ATP8B1: variants seen among roughly 807,000 people sequenced by gnomAD.
ATP8B1 encodes the protein ATPase phospholipid transporting 8B1.
ATP8B1 carries 80 observed loss-of-function variants against 149.9 expected under a neutral mutation model. The observed-to-expected ratio is 0.53, with a 90% CI of 0.45 to 0.64. ATP8B1 has a LOEUF of 0.64. Ranked by LOEUF, ATP8B1 falls within the 30% of genes least tolerant of loss-of-function variation. The pLI is 0.00. For missense variants in ATP8B1, 1,247 were observed against 1,552.6 expected (o/e 0.80, Z 3.31); for synonymous variants, 536 against 562.8 (o/e 0.95, Z 0.67).
chr18:57,748,215 T>C (rs1264234274), intron 1 of ATP8B1, among the ~76,000 whole-genome samples: 1 of 152,204 alleles, frequency 6.6e-6, no homozygotes, highest in Non-Finnish European at 1.5e-5. Flanking sequence ...CACTATGTAT[T>C]CGCATTAGCT....
At chr18:57,649,144 C>A (rs1037498598) in intron 27 of ATP8B1, among the ~76,000 whole-genome samples, 2 of 145,400 alleles carry the variant, frequency 1.4e-5, no homozygotes, top group African/African-American at 5.0e-5. Flanking sequence ...CCTGCCTCGG[C>A]CTCCAAAAGT....
intron 1 of ATP8B1, among the ~76,000 whole-genome samples, chr18:57,759,449 A>T (rs1018575554): frequency 3.3e-5 from 5 of 152,136 alleles, no homozygotes; most frequent in African/African-American, 1.2e-4. Context: ...GAATTTTTAA[A>T]AAATCACCTT....
intron 1 of ATP8B1, among the ~76,000 whole-genome samples, chr18:57,795,145 T>C (rs1173916627): frequency 6.6e-6 from 1 of 151,966 alleles, no homozygotes; most frequent in Non-Finnish European, 1.5e-5. Context: ...ACACCTGTCA[T>C]CTCAACACTA....
At position 57,699,412 on chromosome 18, in the gene ATP8B1, T is replaced by G. The variant is rs114473324; in HGVS notation, c.555-1545A>C. Among the ~76,000 whole-genome samples, 1,365 of 152,312 alleles carry G rather than the reference T, an allele frequency of 9.0e-3. 17 individuals are homozygous for G. The highest frequency in any genetic ancestry group is 0.032 in the African/African-American group (1,326 of 41,576). On this transcript the variant is annotated intron_variant, in intron 6 of 27. Transcript: ENST00000648908. ...CAGTAAAATAGAATAAGTGTCCCAATGAGCCTAGCAGAGGAGGTTGTTGTT... is the reference window on the plus strand; with the variant it reads ...CAGTAAAATAGAATAAGTGTCCCAAGGAGCCTAGCAGAGGAGGTTGTTGTT...
intron 1 of ATP8B1, among the ~76,000 whole-genome samples, chr18:57,753,931 C>CAAA (rs1218057370): frequency 1.8e-4 from 13 of 70,786 alleles, no homozygotes; most frequent in South Asian, 6.4e-4. Context: ...GACTCTGTCT[C>CAAA]AAAAAAAAAA....
At chr18:57,672,888 A>ATG (rs1161398081) in intron 16 of ATP8B1, among the ~76,000 whole-genome samples, 4 of 10,594 alleles carry the variant, frequency 3.8e-4, no homozygotes, top group African/African-American at 6.9e-4. Flanking sequence ...AAAAAAAAGT[A>ATG]TATATATATA....
chr18:57,709,671 T>C (rs944926744), intron 2 of ATP8B1, among the ~76,000 whole-genome samples: 1 of 151,150 alleles, frequency 6.6e-6, no homozygotes, highest in African/African-American at 2.4e-5. Flanking sequence ...TTGTCCTTTT[T>C]TCTTTCTTTT....
intron 1 of ATP8B1, among the ~76,000 whole-genome samples, chr18:57,749,426 C>G (rs1219458684): frequency 6.6e-6 from 1 of 152,170 alleles, no homozygotes; most frequent in Non-Finnish European, 1.5e-5. Context: ...GAGAAAATGA[C>G]TCTCTTGAAT....
chr18:57,789,276 G>A (rs2080438683), intron 1 of ATP8B1, among the ~76,000 whole-genome samples: 1 of 152,054 alleles, frequency 6.6e-6, no homozygotes, highest in Non-Finnish European at 1.5e-5. Flanking sequence ...TGAGTCATTT[G>A]GATCGATTTT....
At chr18:57,717,995 C>G (rs2079600071) in intron 2 of ATP8B1, among the ~76,000 whole-genome samples, 1 of 151,590 alleles carries the variant, frequency 6.6e-6, no homozygotes, top group African/African-American at 2.4e-5. Context: ...ATCCACCTAC[C>G]TCAGCCTCCC....
chr18:57,744,307 C>CA (rs10680324), intron 1 of ATP8B1, among the ~76,000 whole-genome samples: 15,625 of 97,758 alleles, frequency 0.16, 1,629 homozygotes, highest in South Asian at 0.29. Context: ...GAGACTGTCT[C>CA]AAAAAAAAAA....
At chr18:57,799,128 C>T (rs530521979) in intron 1 of ATP8B1, among the ~76,000 whole-genome samples, 6 of 152,250 alleles carry the variant, frequency 3.9e-5, no homozygotes, top group African/African-American at 1.4e-4. Flanking sequence ...ATTATTATCC[C>T]ATTTACAGAT....
intron 18 of ATP8B1, 86 bp from the exon 19 acceptor site, chr18:57,668,626 A>T: frequency 1.2e-6 from 1 of 816,776 alleles, no homozygotes; most frequent in Non-Finnish European, 1.9e-6. Context: ...AACCTGTAAA[A>T]AGAAGGGCTA....
At chr18:57,783,114 A>C (rs1201854945) in intron 1 of ATP8B1, among the ~76,000 whole-genome samples, 2 of 151,928 alleles carry the variant, frequency 1.3e-5, no homozygotes, top group Admixed American at 6.6e-5. Context: ...TGCCCGGCCT[A>C]GTTTGTCTTT....
At chr18:57,797,703 CTTTTTTTTT>C (rs59261353) in intron 1 of ATP8B1, among the ~76,000 whole-genome samples, 3 of 96,288 alleles carry the variant, frequency 3.1e-5, no homozygotes, top group South Asian at 7.4e-4. Context: ...TTCTTTCTTT[CTTTTTTTTT>C]TTTTTTTTTT....
intron 1 of ATP8B1, among the ~76,000 whole-genome samples, chr18:57,767,550 G>A (rs1464081260): frequency 6.6e-6 from 1 of 152,142 alleles, no homozygotes; most frequent in African/African-American, 2.4e-5. Flanking sequence ...CACTTGGGGA[G>A]GGCGAGGTGG....
Position 57,674,991 on chromosome 18 carries a change from A to G in ATP8B1, c.1662T>C (p.Asp554=). ...GQLNYQAASP[D]EGALVNAARN... The stretch of plus-strand genomic sequence containing the variant: ...TGGCAGCGTTTACCAGGGCACCTTC[A>G]TCGGGAGAGGCTGCCTGGTAGTTGA... Residue 554 remains aspartate (D), a synonymous_variant, in exon 16 of 28, where the codon GAT becomes GAC. Transcript: ENST00000648908. 1 of 1,614,234 alleles carries G rather than the reference A, an allele frequency of 6.2e-7. No individual in the cohort carries two copies. The highest frequency in any genetic ancestry group is 8.5e-7 in the Non-Finnish European group (1 of 1,180,030).
At chr18:57,663,930 C>G (rs1203740354) in intron 20 of ATP8B1, among the ~76,000 whole-genome samples, 4 of 151,730 alleles carry the variant, frequency 2.6e-5, no homozygotes, top group Non-Finnish European at 5.9e-5. Context: ...CCATGCCCAG[C>G]TAATTTTTGT....
At chr18:57,651,867 C>T (rs1234539691) in intron 26 of ATP8B1, among the ~76,000 whole-genome samples, 167 bp downstream of exon 26, 2 of 152,112 alleles carry the variant, frequency 1.3e-5, no homozygotes, top group Non-Finnish European at 2.9e-5. Flanking sequence ...CTGCTGGGCT[C>T]AAGCAATCCA....
Sources: gnomAD v4.1 joint callset for allele counts (sites outside exome capture counted in the v4.1 genomes callset) on GRCh38, gnomAD v4.1.1 for gene constraint, MANE v1.5 for transcripts, NCBI Gene and HGNC (gene_info 2026-07-23, HGNC 2026-07-21) for gene names.